The following ABL1 variants were observed in gnomAD, a reference collection of about 807,000 sequenced individuals.
The protein encoded by ABL1 is ABL proto-oncogene 1, non-receptor tyrosine kinase.
ABL1 carries 11 observed loss-of-function variants against 94.7 expected under a neutral mutation model. The observed-to-expected ratio is 0.12, with a 90% CI of 0.07 to 0.19. The LOEUF (loss-of-function observed/expected upper bound fraction) is 0.19. Among genes scored for constraint, ABL1 ranks in the 10% least tolerant of loss-of-function variants. ABL1 has a pLI of 1.00. For synonymous variants in ABL1, 656 were observed against 622.4 expected, an observed-to-expected ratio of 1.05 and a Z score of -0.80; for missense variants, 1,082 against 1,489.4, an observed-to-expected ratio of 0.73 and a Z score of 4.50.
chr9:130,809,646 C>T (rs999384302), intron 1 of ABL1, among the ~76,000 whole-genome samples: 2 of 152,276 alleles, frequency 1.3e-5, no homozygotes, highest in East Asian at 3.9e-4. Flanking sequence ...GTTGATGTCC[C>T]AGTTCGAAGG....
In ABL1 at chr9:130,872,946, C is replaced by T. The variant is rs779478267; in HGVS notation, c.994C>T (p.Arg332Trp). ...NLLDYLRECN[R>W]QEVNAVVLLY... is the part of the protein sequence containing the mutation. The stretch of plus-strand genomic sequence containing the variant: ...CCTGGACTACCTGAGGGAGTGCAAC[C>T]GGCAGGAGGTGAACGCCGTGGTGCT... Residue 332 changes from arginine (R) to tryptophan (W), a missense_variant, in exon 6 of 11, where the codon CGG (arginine) becomes TGG (tryptophan). Physicochemically the swap from Arg to Trp is moderately radical, Grantham distance 101. Around this residue, in one of 7 missense-constraint regions of ABL1, gnomAD observed 92 missense variants for 212.3 expected, o/e 0.43. Coordinates refer to ENST00000318560, the MANE Select transcript of ABL1 (RefSeq NM_005157.6). This position sits in a 1 kb window ranked among gnomAD's most constrained non-coding sequence, Gnocchi z 5.0. The T allele has an allele frequency of 1.2e-6, 2 of 1,614,174 alleles. No individual in the cohort carries two copies. The highest frequency in any genetic ancestry group is 1.1e-5 in the South Asian group (1 of 91,076).
intron 1 of ABL1, among the ~76,000 whole-genome samples, chr9:130,846,037 G>A (rs1588264584): frequency 6.6e-6 from 1 of 151,734 alleles, no homozygotes; most frequent in African/African-American, 2.4e-5. Flanking sequence ...CAGTGTTTTG[G>A]GATTTGAAGA....
intron 1 of ABL1, among the ~76,000 whole-genome samples, chr9:130,728,321 G>A (rs1275599186): frequency 1.4e-5 from 2 of 142,692 alleles, no homozygotes; most frequent in Non-Finnish European, 3.0e-5. Context: ...GCCCTCCTAC[G>A]CCTCCCAAAG....
rs79196386 is a variant in ABL1 at position 130,858,645 on chromosome 9, G to A, written c.549+3549G>A. ...AGCTCCCACAGCTATGCGTGTGACC[G>A]TGTGGCTCGCCGCTGAAAAATGCTG... On this transcript the variant is annotated intron_variant, in intron 3 of 10. Coordinates refer to ENST00000318560, the MANE Select transcript of ABL1 (RefSeq NM_005157.6). 1.3e-3 allele frequency among the ~76,000 whole-genome samples: 196 copies of A among 152,334 alleles called. 1 individual carries two copies. The highest frequency in any genetic ancestry group is 4.4e-3 in the African/African-American group (184 of 41,568).
At position 130,884,317 on chromosome 9, in the gene ABL1, C is replaced by T. The variant is rs977173456; in HGVS notation, c.2027C>T (p.Ser676Phe). 1.2e-6 allele frequency: 2 copies of T among 1,611,688 alleles called. No homozygotes were observed. Among genetic ancestry groups the T allele is most frequent in the African/African-American group, 1.3e-5 (1 of 75,016 alleles). The change falls in exon 11 of 11, where the codon TCC (serine) becomes TTC (phenylalanine). Residue 676 changes from serine to phenylalanine, a missense_variant. Physicochemically the swap from Ser to Phe is radical, Grantham distance 155 (BLOSUM62 -2). Transcript: ENST00000318560. The surrounding 1 kb of genome is among the most constrained non-coding windows in gnomAD (Gnocchi z 5.6). The stretch of plus-strand genomic sequence containing the variant: ...GTCCCCAATGGAGCCCTCCGGGAGT[C>T]CGGGGGCTCAGGCTTCCGGTCTCCC... ...AGVPNGALRE[S>F]GGSGFRSPHL...
At chr9:130,827,144 G>A (rs1170950947) in intron 1 of ABL1, among the ~76,000 whole-genome samples, 1 of 152,224 alleles carries the variant, frequency 6.6e-6, no homozygotes, top group Non-Finnish European at 1.5e-5. Flanking sequence ...CCCAGCATGG[G>A]TCCGGGTAGG....
chr9:130,822,871 C>T (rs1489583356), intron 1 of ABL1, among the ~76,000 whole-genome samples: 1 of 151,828 alleles, frequency 6.6e-6, no homozygotes, highest in Non-Finnish European at 1.5e-5. Context: ...GATCTCAGCT[C>T]ACTACAACCT....
At chr9:130,787,783 G>A (rs1829850597) in intron 1 of ABL1, among the ~76,000 whole-genome samples, 2 of 152,182 alleles carry the variant, frequency 1.3e-5, no homozygotes, top group Non-Finnish European at 2.9e-5. Flanking sequence ...TAAAAATTGA[G>A]ATGTTTTCCC....
chr9:130,873,142 A>C (rs891220060), intron 6 of ABL1, 105 bp downstream of exon 6: 3 of 1,201,314 alleles, frequency 2.5e-6, no homozygotes, highest in African/African-American at 1.5e-5. Context: ...CGCAGCTTCT[A>C]ACCTCAGTGC....
chr9:130,842,414 C>A (rs1259402872), intron 1 of ABL1, among the ~76,000 whole-genome samples: 1 of 152,174 alleles, frequency 6.6e-6, no homozygotes, highest in East Asian at 1.9e-4. Context: ...CTATAGAAAC[C>A]TAGTCTTTAT....
intron 1 of ABL1, among the ~76,000 whole-genome samples, chr9:130,802,205 G>A (rs1240648040): frequency 6.7e-6 from 1 of 148,978 alleles, no homozygotes; most frequent in Non-Finnish European, 1.5e-5. Flanking sequence ...CCATCCTCCT[G>A]CCTCAGCCTC....
In ABL1 at chr9:130,887,174, A is replaced by G; in HGVS notation, c.*1491A>G. 1 of 233,218 alleles carries G rather than the reference A, an allele frequency of 4.3e-6. No homozygotes were observed. Among genetic ancestry groups the G allele is most frequent in the Admixed American group, 5.6e-5 (1 of 17,806 alleles). 14.4% of individuals were successfully genotyped at this position (233,218 alleles called of 1,614,324 possible). A position where few individuals can be genotyped will look rare whatever the true frequency, so the allele number is the denominator to read the frequency against. On this transcript the variant is annotated 3_prime_UTR_variant, in exon 11 of 11. Coordinates refer to ENST00000318560, the MANE Select transcript of ABL1 (RefSeq NM_005157.6). ...GGAGAAGCCACCTTCCCACCCCTTC[A>G]TACCGCCTCGTGCCAGCAGCCTCGC...
chr9:130,805,055 T>C (rs1414206524), intron 1 of ABL1, among the ~76,000 whole-genome samples: 1 of 152,236 alleles, frequency 6.6e-6, no homozygotes, highest in Non-Finnish European at 1.5e-5. Flanking sequence ...ATCTTGTTTA[T>C]AACAACATTT....
intron 3 of ABL1, among the ~76,000 whole-genome samples, chr9:130,855,481 G>A (rs773554824): frequency 2.0e-5 from 3 of 152,086 alleles, no homozygotes; most frequent in South Asian, 4.2e-4. Flanking sequence ...TTCTTAGAGC[G>A]AAAGACCACT....
chr9:130,763,788 T>G lies in ABL1; in HGVS notation c.136+49333T>G, dbSNP rs376312187. 6.2e-4 allele frequency among the ~76,000 whole-genome samples: 95 copies of G among 152,326 alleles called. 1 individual carries two copies. The highest frequency in any genetic ancestry group is 2.2e-3 in the African/African-American group (90 of 41,562). ...AATCACAGATGCTACCCTGCTGTTCTGCAGTATCCTGTTGGTTCCCCAGTC... is the reference window on the plus strand; with the variant it reads ...AATCACAGATGCTACCCTGCTGTTCGGCAGTATCCTGTTGGTTCCCCAGTC... On this transcript the variant is annotated intron_variant, in intron 1 of 10. Transcript: ENST00000372348.
intron 4 of ABL1, among the ~76,000 whole-genome samples, chr9:130,871,184 C>T (rs35496370): frequency 0.013 from 2,023 of 152,294 alleles, 32 homozygotes; most frequent in African/African-American, 0.046. Flanking sequence ...GCAAACAGAC[C>T]ATATCATTTA....
intron 1 of ABL1, among the ~76,000 whole-genome samples, chr9:130,733,770 T>G (rs1260606257): frequency 6.6e-6 from 1 of 151,882 alleles, no homozygotes; most frequent in African/African-American, 2.4e-5. Flanking sequence ...TTTTGTATTT[T>G]TAGTAGAGAT....
Position 130,815,513 on chromosome 9 carries a change from G to A in ABL1, c.137-38551G>A, listed in dbSNP as rs187541118. On this transcript the variant is annotated intron_variant, in intron 1 of 10. Transcript: ENST00000372348. The stretch of plus-strand genomic sequence containing the variant: ...CCCCGTACCAGTCTTTCAGGTAACC[G>A]TAACTTCAGAGTCTATCCAGGTCAC... Among the ~76,000 whole-genome samples, 37 of 152,098 alleles carry A rather than the reference G, an allele frequency of 2.4e-4. No individual in the cohort carries two copies. In the East Asian group the frequency reaches 6.4e-3, roughly 26 times the overall value.
intron 7 of ABL1, among the ~76,000 whole-genome samples, chr9:130,876,766 T>A (rs1309826286): frequency 1.7e-5 from 2 of 118,426 alleles, no homozygotes; most frequent in Non-Finnish European, 3.4e-5. Flanking sequence ...TGAGACAGTC[T>A]CACTCTGTCG....
Sources: allele counts gnomAD v4.1 joint callset (sites outside exome capture counted in the v4.1 genomes callset), GRCh38; gene constraint gnomAD v4.1.1; regional missense constraint gnomAD v4.1.1; non-coding constraint Gnocchi (gnomAD v3.1); transcripts MANE v1.5; gene names NCBI Gene and HGNC (gene_info 2026-07-23, HGNC 2026-07-21).